The following GET1 variants were observed in gnomAD, a reference collection of about 807,000 sequenced individuals.
GET1 encodes the protein congenital heart disease 5 protein.
GET1 carries 20 observed loss-of-function variants against 22.6 expected under a neutral mutation model. The ratio of observed to expected loss-of-function variants is 0.89; its 90% CI spans 0.62 to 1.29. The LOEUF is 1.29. GET1 is among the 50% of genes most tolerant of loss of function. The pLI is 0.00. For missense variants in GET1, 209 were observed against 219.9 expected, an observed-to-expected ratio of 0.95 and a Z score of 0.31; for synonymous variants, 92 against 83.8, an observed-to-expected ratio of 1.10 and a Z score of -0.53.
At chr21:39,427,547 A>G (rs1028827722) in intron 1 of GET1, among the ~76,000 whole-genome samples, 2 of 151,998 alleles carry the variant, frequency 1.3e-5, no homozygotes, top group Non-Finnish European at 2.9e-5. Flanking sequence ...CTGTAGTCCC[A>G]GCTACTCAGG....
rs1183189066 is a variant in GET1 at position 39,423,610 on chromosome 21, G to GT, written c.*24-4621dup. On this transcript the variant is annotated intron_variant, in intron 1 of 1. Coordinates refer to the GET1 transcript ENST00000478273. The stretch of plus-strand genomic sequence containing the variant: ...ACACACCACACACATACACACAAGC[G>GT]TAAGTGTAACTAGAAGGGGACAAAA... 14 of 804,744 alleles carry GT rather than the reference G, an allele frequency of 1.7e-5. No homozygotes were observed. The South Asian group carries it at 1.9e-4, about 11-fold the overall frequency. 49.9% of individuals were successfully genotyped at this position (804,744 alleles called of 1,614,324 possible). A position where few individuals can be genotyped will look rare whatever the true frequency, so the allele number is the denominator to read the frequency against.
At chr21:39,382,672 C>T (rs936396002) in intron 1 of GET1, among the ~76,000 whole-genome samples, 1 of 152,210 alleles carries the variant, frequency 6.6e-6, no homozygotes, top group Non-Finnish European at 1.5e-5. Flanking sequence ...TCTATGGACA[C>T]TTGGGTTGTT....
chr21:39,403,841 C>T (rs1417595164), intron 4 of GET1, among the ~76,000 whole-genome samples: 2 of 152,044 alleles, frequency 1.3e-5, no homozygotes, highest in South Asian at 2.1e-4. Context: ...AGGCTGGTCT[C>T]GAACTCCCGA....
intron 1 of GET1, 21 bp from the exon 2 acceptor site, chr21:39,390,677 C>T: frequency 6.2e-7 from 1 of 1,613,352 alleles, no homozygotes; most frequent in Non-Finnish European, 8.5e-7. Context: ...AGGTGCTGAT[C>T]CCCGTTGTCC....
intron 1 of GET1, among the ~76,000 whole-genome samples, chr21:39,427,563 G>A (rs1301984562): frequency 6.6e-6 from 1 of 151,750 alleles, no homozygotes; most frequent in Non-Finnish European, 1.5e-5. Flanking sequence ...TCAGGAGGCT[G>A]AGGCAGGAGA....
chr21:39,422,637 C>T (rs1033143808), intron 1 of GET1: 1 of 391,462 alleles, frequency 2.6e-6, no homozygotes, highest in Non-Finnish European at 4.5e-6. Context: ...AGAGGTTTCA[C>T]GTAACACAAT....
At chr21:39,393,307 G>T in intron 4 of GET1, 27 bp downstream of exon 4, 1 of 1,554,954 alleles carries the variant, frequency 6.4e-7, no homozygotes, top group Non-Finnish European at 8.9e-7. Context: ...AGATGCAGTG[G>T]AAGAGTGTGA....
intron 1 of GET1, among the ~76,000 whole-genome samples, chr21:39,420,257 C>T (rs1014227753): frequency 9.9e-5 from 15 of 152,066 alleles, no homozygotes; most frequent in Admixed American, 9.2e-4. Context: ...TGCGGTGGCT[C>T]ACACCTGTAA....
intron 1 of GET1, among the ~76,000 whole-genome samples, chr21:39,424,417 G>A (rs2147780726): frequency 1.3e-5 from 2 of 152,296 alleles, no homozygotes; most frequent in African/African-American, 4.8e-5. Context: ...GGAGTTTGAG[G>A]CTGCAGTGAG....
chr21:39,407,252 A>AAGAAC (rs548604422), downstream of GET1, among the ~76,000 whole-genome samples: 23 of 152,238 alleles, frequency 1.5e-4, no homozygotes, highest in African/African-American at 3.1e-4. Context: ...AACAGAACAG[A>AAGAAC]AGAACAGAAC....
intron 1 of GET1, chr21:39,414,384 T>A (rs759679868): frequency 3.9e-5 from 6 of 152,176 alleles, no homozygotes; most frequent in Admixed American, 2.0e-4. Flanking sequence ...CGGCTCATAC[T>A]GCAGAAGTGG....
At chr21:39,389,584 C>T (rs2038159753) in intron 1 of GET1, among the ~76,000 whole-genome samples, 1 of 152,314 alleles carries the variant, frequency 6.6e-6, no homozygotes, top group East Asian at 1.9e-4. Context: ...ATGCATGCCT[C>T]TCCCCACCTG....
At chr21:39,399,909 TA>T (rs1159641863), downstream of GET1, among the ~76,000 whole-genome samples, 3 of 114,388 alleles carry the variant, frequency 2.6e-5, no homozygotes, top group East Asian at 2.9e-4. Flanking sequence ...AATCTTTTTT[TA>T]ATTTTTTTTT....
downstream of GET1, chr21:39,410,699 G>A: frequency 2.6e-6 from 1 of 387,524 alleles, no homozygotes; most frequent in Non-Finnish European, 5.1e-6. Flanking sequence ...GAGCTATCCT[G>A]TGGCGGAGCT....
At chr21:39,390,269 C>T (rs1172851583) in intron 1 of GET1, among the ~76,000 whole-genome samples, 1 of 151,968 alleles carries the variant, frequency 6.6e-6, no homozygotes, top group Non-Finnish European at 1.5e-5. Flanking sequence ...ATGGGGCTGG[C>T]TTGGATTCCA....
At chr21:39,390,577 G>A in intron 1 of GET1, 121 bp from the exon 2 acceptor site, 8 of 1,316,550 alleles carry the variant, frequency 6.1e-6, no homozygotes, top group African/African-American at 1.5e-5. Context: ...GTCCTGCAGG[G>A]ACGCACACAA....
intron 4 of GET1, among the ~76,000 whole-genome samples, chr21:39,394,165 A>G (rs903173128): frequency 2.6e-5 from 4 of 151,910 alleles, no homozygotes; most frequent in African/African-American, 9.7e-5. Flanking sequence ...CCCTATCTCT[A>G]CTAAAATACA....
intron 1 of GET1, among the ~76,000 whole-genome samples, chr21:39,384,879 A>G (rs1234540342): frequency 1.3e-5 from 2 of 151,988 alleles, no homozygotes; most frequent in Admixed American, 6.6e-5. Flanking sequence ...CCATTTCCCT[A>G]TGATTGTTAA....
intron 1 of GET1, chr21:39,423,067 G>A (rs149837591): frequency 6.2e-7 from 1 of 1,614,126 alleles, no homozygotes; most frequent in African/African-American, 1.3e-5. Flanking sequence ...TTTGTCTTCA[G>A]AAAGTTTCTG....
Sources: allele counts gnomAD v4.1 joint callset (sites outside exome capture counted in the v4.1 genomes callset), GRCh38; gene constraint gnomAD v4.1.1; transcripts MANE v1.5; gene names NCBI Gene and HGNC (gene_info 2026-07-23, HGNC 2026-07-21).